NUP205: variants seen among roughly 807,000 people sequenced by gnomAD.
The protein encoded by NUP205 is nuclear pore complex protein Nup205.
A neutral mutation model predicts 253.8 loss-of-function variants in NUP205; 76 were observed. The observed-to-expected ratio is 0.30, with a 90% CI of 0.25 to 0.36. The LOEUF (loss-of-function observed/expected upper bound fraction) is 0.36. NUP205 is among the 10% of genes least tolerant of loss of function. NUP205 has a pLI of 1.00. For synonymous variants in NUP205, 832 were observed against 850.1 expected (o/e 0.98, Z 0.37); for missense variants, 2,162 against 2,425.5 (o/e 0.89, Z 2.28).
intron 10 of NUP205, among the ~76,000 whole-genome samples, chr7:135,588,920 C>G (rs1806546446): frequency 6.6e-6 from 1 of 151,258 alleles, no homozygotes; most frequent in South Asian, 2.1e-4. Context: ...TAGTTCACAC[C>G]TGTAATCCCA....
chr7:135,608,426 C>T (rs963062162), intron 22 of NUP205, among the ~76,000 whole-genome samples: 1 of 152,140 alleles, frequency 6.6e-6, no homozygotes, highest in Admixed American at 6.6e-5. Context: ...GAGGGCTGGG[C>T]CTGGGCATGG....
chr7:135,582,343 AT>A (rs1321014209), intron 7 of NUP205, among the ~76,000 whole-genome samples: 2 of 152,226 alleles, frequency 1.3e-5, no homozygotes, highest in African/African-American at 4.8e-5. Flanking sequence ...GTGTTTTTGA[AT>A]TCAAGTAAAG....
chr7:135,635,457 T>G, intron 35 of NUP205, 124 bp from the exon 36 acceptor site: 1 of 526,652 alleles, frequency 1.9e-6, no homozygotes, highest in South Asian at 4.3e-5. Context: ...TTCTCAAAAC[T>G]TTTTTATGGC....
chr7:135,584,733 G>A, intron 7 of NUP205, 99 bp from the exon 8 acceptor site: 1 of 1,035,524 alleles, frequency 9.7e-7, no homozygotes, highest in South Asian at 1.4e-5. Context: ...TAGAAGGCTG[G>A]GAAGATGTCT....
In NUP205 at chr7:135,617,101, A is replaced by G; in HGVS notation, c.3544A>G (p.Ile1182Val). Reference protein sequence around the residue: ...FDTATKVRRKILNILDSIDFS... With the variant: ...FDTATKVRRKVLNILDSIDFS... ...TTTATTATTTCTAGTACGTCGAAAA[A>G]TTCTAAATATTCTTGACTCGATTGA... Residue 1182 changes from isoleucine to valine, a missense_variant, in exon 26 of 43, where the codon ATT (isoleucine) becomes GTT (valine). Around this residue, in one of 5 missense-constraint regions of NUP205, gnomAD observed 1,144 missense variants for 1,280.9 expected, o/e 0.89. Coordinates refer to ENST00000285968, the MANE Select transcript of NUP205 (RefSeq NM_015135.3). The G allele has an allele frequency of 6.2e-7, 1 of 1,606,872 alleles. No homozygotes were observed. The highest frequency in any genetic ancestry group is 1.1e-5 in the South Asian group (1 of 89,610).
At chr7:135,606,400 C>T (rs1048338962) in intron 20 of NUP205, among the ~76,000 whole-genome samples, 174 bp downstream of exon 20, 1 of 152,148 alleles carries the variant, frequency 6.6e-6, no homozygotes, top group Non-Finnish European at 1.5e-5. Context: ...AACCTTTTGA[C>T]CACCACCAAC....
intron 2 of NUP205, among the ~76,000 whole-genome samples, chr7:135,572,415 A>G (rs183084016): frequency 9.2e-5 from 14 of 152,262 alleles, no homozygotes; most frequent in Non-Finnish European, 1.9e-4. Context: ...AGTTTATAGT[A>G]TTATGTAAGT....
chr7:135,603,020 A>ATG (rs1307994691), intron 18 of NUP205, 26 bp downstream of exon 18: 1 of 1,550,948 alleles, frequency 6.4e-7, no homozygotes, highest in Non-Finnish European at 8.9e-7. Flanking sequence ...AGGTAGAGAA[A>ATG]TGAAGTAAAC....
At chr7:135,560,713 A>G (rs189828484) in intron 1 of NUP205, among the ~76,000 whole-genome samples, 2 of 152,362 alleles carry the variant, frequency 1.3e-5, no homozygotes, top group Admixed American at 1.3e-4. Flanking sequence ...TACTAAGTGA[A>G]ATAAGCCAGT....
intron 34 of NUP205, among the ~76,000 whole-genome samples, chr7:135,628,959 C>T (rs996082739): frequency 2.6e-5 from 4 of 152,166 alleles, no homozygotes; most frequent in African/African-American, 4.8e-5. Flanking sequence ...TGCCTTTCTT[C>T]CCCTAGATTG....
intron 42 of NUP205, 120 bp from the exon 43 acceptor site, chr7:135,648,284 G>C: frequency 1.3e-6 from 1 of 792,582 alleles, no homozygotes. Context: ...AAATTCAAAA[G>C]TATTTACATT....
At position 135,576,275 on chromosome 7, in the gene NUP205, C is replaced by T; in HGVS notation, c.349C>T (p.His117Tyr). 6.2e-7 allele frequency: 1 copy of T among 1,612,134 alleles called. No individual in the cohort carries two copies. Among genetic ancestry groups the T allele is most frequent in the Admixed American group, 1.7e-5 (1 of 59,660 alleles). ...AAVELLLAGE[H>Y]QQPHFPGLTR... ...TTCTCAACTTCCTTTTTTAGGAGAGCATCAACAGCCACATTTTCCTGGCCT... is the reference window on the plus strand; with the variant it reads ...TTCTCAACTTCCTTTTTTAGGAGAGTATCAACAGCCACATTTTCCTGGCCT... The change falls in exon 4 of 43, where the codon CAT becomes TAT. Residue 117 changes from histidine (H) to tyrosine (Y), a missense_variant. Physicochemically the swap from His to Tyr is moderately conservative, Grantham distance 83 (BLOSUM62 2). Transcript: ENST00000285968.
At chr7:135,592,540 A>G (rs1340239285) in intron 11 of NUP205, among the ~76,000 whole-genome samples, 1 of 152,224 alleles carries the variant, frequency 6.6e-6, no homozygotes, top group African/African-American at 2.4e-5. Flanking sequence ...TTTTCAGCAC[A>G]CCGCTTATGC....
chr7:135,566,094 TTTTTA>T (rs1379250673), intron 1 of NUP205, among the ~76,000 whole-genome samples: 2 of 152,110 alleles, frequency 1.3e-5, no homozygotes, highest in Non-Finnish European at 2.9e-5. Context: ...TTATTGCTCT[TTTTTA>T]TTTTATTTGT....
At chr7:135,641,478 G>A (rs146887636) in intron 38 of NUP205, among the ~76,000 whole-genome samples, 131 of 152,260 alleles carry the variant, frequency 8.6e-4, no homozygotes, top group African/African-American at 2.9e-3. Context: ...GTATAAAGAT[G>A]TATGAGATTG....
chr7:135,604,562 A>G, intron 19 of NUP205, 102 bp downstream of exon 19: 1 of 1,179,696 alleles, frequency 8.5e-7, no homozygotes, highest in Non-Finnish European at 1.2e-6. Flanking sequence ...TTGGTTGTGG[A>G]AAAATTCATT....
chr7:135,593,858 C>T (rs1485636865), intron 12 of NUP205, among the ~76,000 whole-genome samples: 2 of 152,070 alleles, frequency 1.3e-5, no homozygotes, highest in African/African-American at 4.8e-5. Context: ...GGTTGGTTAA[C>T]ATACAAAGTT....
intron 1 of NUP205, 62 bp downstream of exon 1, chr7:135,558,034 C>T: frequency 7.1e-7 from 1 of 1,406,160 alleles, no homozygotes; most frequent in Non-Finnish European, 1.0e-6. Context: ...CATGGAGAGA[C>T]GAGACCGTGA....
At chr7:135,586,671 TTTGA>T (rs1806473135) in intron 8 of NUP205, among the ~76,000 whole-genome samples, 1 of 152,206 alleles carries the variant, frequency 6.6e-6, no homozygotes, top group Non-Finnish European at 1.5e-5. Flanking sequence ...TTGAGACTTC[TTTGA>T]TTGATGGGTT....
Sources: gnomAD v4.1 joint callset for allele counts (sites outside exome capture counted in the v4.1 genomes callset) on GRCh38, gnomAD v4.1.1 for gene constraint, gnomAD v4.1.1 regional missense constraint, MANE v1.5 for transcripts, NCBI Gene and HGNC (gene_info 2026-07-23, HGNC 2026-07-21) for gene names.